The following FAR2 variants were observed in gnomAD, a reference collection of about 807,000 sequenced individuals.
FAR2 encodes fatty acyl-CoA reductase 2.
FAR2 carries 19 observed loss-of-function variants against 56.0 expected under a neutral mutation model. The ratio of observed to expected loss-of-function variants is 0.34; its 90% CI spans 0.24 to 0.50. The LOEUF (loss-of-function observed/expected upper bound fraction) is 0.50, where lower values mean the gene tolerates loss of function less well. FAR2 is among the 20% of genes least tolerant of loss of function. The pLI, the probability that FAR2 is intolerant of heterozygous loss-of-function variation, is 0.98. For synonymous variants in FAR2, 219 were observed against 218.8 expected (o/e 1.00, Z -0.01); for missense variants, 508 against 642.2 (o/e 0.79, Z 2.26).
rs1477965648 is a variant in FAR2 at position 29,297,178 on chromosome 12, A to G, written c.523A>G (p.Lys175Glu). ...TATCTATCCGTGCCCTGTGGAGCCAAAAAAAATCATTGATTCCCTTGAGTA... is the reference window on the plus strand; with the variant it reads ...TATCTATCCGTGCCCTGTGGAGCCAGAAAAAATCATTGATTCCCTTGAGTA... ...EVIYPCPVEP[K>E]KIIDSLEWLD... Residue 175 changes from lysine to glutamate, a missense_variant, in exon 4 of 12, where the codon AAA becomes GAA. Lys to Glu is a moderately conservative substitution (Grantham distance 56). Transcript: ENST00000536681. 3 of 1,611,604 alleles carry G rather than the reference A, an allele frequency of 1.9e-6. No individual in the cohort carries two copies. The highest frequency in any genetic ancestry group is 4.5e-5 in the East Asian group (2 of 44,838).
chr12:29,272,234 T>C (rs1366129242), intron 2 of FAR2, among the ~76,000 whole-genome samples: 1 of 152,228 alleles, frequency 6.6e-6, no homozygotes, highest in Non-Finnish European at 1.5e-5. Flanking sequence ...GTTTTCCAGC[T>C]TGTTTCCATT....
At chr12:29,230,083 T>A (rs1261388314) in intron 1 of FAR2, among the ~76,000 whole-genome samples, 2 of 151,744 alleles carry the variant, frequency 1.3e-5, no homozygotes, top group Non-Finnish European at 2.9e-5. Flanking sequence ...GATGACCGAA[T>A]AAACAGATGT....
intron 1 of FAR2, 57 bp downstream of exon 1, chr12:29,149,464 G>C (rs577973474): frequency 6.6e-6 from 1 of 152,348 alleles, no homozygotes; most frequent in Admixed American, 6.5e-5. Flanking sequence ...CAAAAGCAGA[G>C]ACCGGACTGG....
chr12:29,193,566 A>G (rs1721651175), intron 1 of FAR2, among the ~76,000 whole-genome samples: 1 of 152,166 alleles, frequency 6.6e-6, no homozygotes. Context: ...ATGTCTTCTC[A>G]TGGCTTGATA....
intron 9 of FAR2, among the ~76,000 whole-genome samples, chr12:29,319,866 T>A (rs1041830113): frequency 1.9e-4 from 29 of 152,300 alleles, no homozygotes; most frequent in Middle Eastern, 3.4e-3. Context: ...GTAAAATGAA[T>A]CAATCATTGT....
intron 1 of FAR2, among the ~76,000 whole-genome samples, chr12:29,239,296 G>A (rs1947987966): frequency 6.6e-6 from 1 of 152,116 alleles, no homozygotes; most frequent in Admixed American, 6.6e-5. Context: ...AAAGGGGATA[G>A]CCACACAATC....
At chr12:29,268,198 T>C (rs553713321) in intron 1 of FAR2, among the ~76,000 whole-genome samples, 23 of 152,252 alleles carry the variant, frequency 1.5e-4, no homozygotes, top group Non-Finnish European at 1.5e-5. Context: ...TTTTTCTTCT[T>C]TATAAGCCCT....
chr12:29,210,363 A>C (rs1435870933), intron 1 of FAR2, among the ~76,000 whole-genome samples: 1 of 152,202 alleles, frequency 6.6e-6, no homozygotes, highest in Non-Finnish European at 1.5e-5. Context: ...CAAAGTCGGG[A>C]CCTTGCAAGT....
intron 2 of FAR2, among the ~76,000 whole-genome samples, chr12:29,279,011 CT>C (rs1948745237): frequency 6.6e-6 from 1 of 152,138 alleles, no homozygotes; most frequent in Non-Finnish European, 1.5e-5. Flanking sequence ...AAGCAAAAAG[CT>C]TATTAATTTA....
At chr12:29,162,622 C>A (rs1174260741) in intron 1 of FAR2, among the ~76,000 whole-genome samples, 1 of 152,066 alleles carries the variant, frequency 6.6e-6, no homozygotes, top group Admixed American at 6.5e-5. Context: ...TAATTTGGAT[C>A]CTAGACATAA....
chr12:29,311,763 T>C (rs899797171), intron 7 of FAR2, 120 bp from the exon 8 acceptor site: 6 of 653,406 alleles, frequency 9.2e-6, no homozygotes, highest in Admixed American at 3.2e-5. Context: ...AAGCCTTTCA[T>C]AGGTTGCCTT....
intron 1 of FAR2, among the ~76,000 whole-genome samples, chr12:29,244,083 C>T (rs1007546221): frequency 1.3e-5 from 2 of 152,130 alleles, no homozygotes; most frequent in Admixed American, 1.3e-4. Flanking sequence ...ATTACCTTTC[C>T]TATTATCTGC....
At position 29,226,713 on chromosome 12, in the gene FAR2, G is replaced by A. The variant is rs117953398; in HGVS notation, c.-38-43699G>A. Among the ~76,000 whole-genome samples, 43 of 152,182 alleles carry A rather than the reference G, an allele frequency of 2.8e-4. No individual in the cohort carries two copies. In the East Asian group the frequency reaches 6.9e-3, roughly 25 times the overall value. ...TTCATTCCACCTTGGAATCACTTTA[G>A]TCCTAGTCCCATCCTGGTTTAAAGC... On this transcript the variant is annotated intron_variant, in intron 1 of 11. Transcript: ENST00000536681.
chr12:29,258,567 A>G (rs1319587627), intron 1 of FAR2, among the ~76,000 whole-genome samples: 1 of 152,200 alleles, frequency 6.6e-6, no homozygotes, highest in East Asian at 1.9e-4. Flanking sequence ...TGATATAATC[A>G]ACTCATATTA....
At chr12:29,267,091 A>G (rs1427880860) in intron 1 of FAR2, among the ~76,000 whole-genome samples, 3 of 152,180 alleles carry the variant, frequency 2.0e-5, no homozygotes, top group Non-Finnish European at 4.4e-5. Context: ...ATTTTTAAAG[A>G]AATAGGCAAA....
chr12:29,265,666 T>C (rs993051778), intron 1 of FAR2, among the ~76,000 whole-genome samples: 1 of 151,818 alleles, frequency 6.6e-6, no homozygotes, highest in Non-Finnish European at 1.5e-5. Context: ...AATGCACAAA[T>C]GGGATTACAA....
chr12:29,151,056 A>G (rs1949677987), intron 1 of FAR2, among the ~76,000 whole-genome samples: 1 of 152,208 alleles, frequency 6.6e-6, no homozygotes, highest in East Asian at 1.9e-4. Flanking sequence ...GATCATCTTG[A>G]CCATCTCACC....
rs960321025 is a variant in FAR2, at chr12:29,318,983, T to C, written c.1127+1971T>C. 2.2e-4 allele frequency among the ~76,000 whole-genome samples: 33 copies of C among 151,978 alleles called. 1 individual carries two copies. In the South Asian group the frequency reaches 6.7e-3, roughly 31 times the overall value. ...TGAAGGGTACAAAAGTCTTTTTTTTTTCTTTTTCTTTTTTCTTTTTTTTTT... is the reference window on the plus strand; with the variant it reads ...TGAAGGGTACAAAAGTCTTTTTTTTCTCTTTTTCTTTTTTCTTTTTTTTTT... On this transcript the variant is annotated intron_variant, in intron 9 of 11. Coordinates refer to ENST00000536681, the MANE Select transcript of FAR2 (RefSeq NM_001271783.2).
chr12:29,318,530 T>C (rs532031476), intron 9 of FAR2, among the ~76,000 whole-genome samples: 1 of 152,308 alleles, frequency 6.6e-6, no homozygotes, highest in East Asian at 1.9e-4. Context: ...ATGGGTTGGT[T>C]TGTTGTGTGG....
Sources: gnomAD v4.1 joint callset for allele counts (sites outside exome capture counted in the v4.1 genomes callset) on GRCh38, gnomAD v4.1.1 for gene constraint, MANE v1.5 for transcripts, NCBI Gene and HGNC (gene_info 2026-07-23, HGNC 2026-07-21) for gene names.